Variants in ADGRB3 observed in about 807,000 individuals in gnomAD.
The protein encoded by ADGRB3 is brain-specific angiogenesis inhibitor 3.
ADGRB3 carries 37 observed loss-of-function variants against 193.4 expected under a neutral mutation model. The ratio of observed to expected loss-of-function variants is 0.19; its 90% confidence interval spans 0.15 to 0.25. ADGRB3 has a LOEUF of 0.25. ADGRB3 is among the 10% of genes least tolerant of loss of function. The pLI is 1.00. For missense variants in ADGRB3, 1,637 were observed against 1,852.9 expected, an observed-to-expected ratio of 0.88 and a Z score of 2.14; for synonymous variants, 690 against 644.2, an observed-to-expected ratio of 1.07 and a Z score of -1.08.
At chr6:68,904,988 G>A (rs1217436333) in intron 3 of ADGRB3, among the ~76,000 whole-genome samples, 1 of 152,072 alleles carries the variant, frequency 6.6e-6, no homozygotes, top group Non-Finnish European at 1.5e-5. Context: ...TGTTACTTGG[G>A]CATTGAATTT....
intron 12 of ADGRB3, among the ~76,000 whole-genome samples, chr6:69,015,111 C>T (rs1301560608): frequency 6.6e-6 from 1 of 151,990 alleles, no homozygotes; most frequent in Admixed American, 6.6e-5. Flanking sequence ...AGGACAGCCT[C>T]ATTCACTCAC....
At chr6:69,077,154 T>C (rs1245891411) in intron 17 of ADGRB3, among the ~76,000 whole-genome samples, 1 of 152,038 alleles carries the variant, frequency 6.6e-6, no homozygotes, top group African/African-American at 2.4e-5. Flanking sequence ...GTTGATAACA[T>C]GAGCTGGATA....
chr6:68,884,341 G>C (rs1307568374), intron 3 of ADGRB3, among the ~76,000 whole-genome samples: 4 of 152,124 alleles, frequency 2.6e-5, no homozygotes, highest in African/African-American at 7.2e-5. Flanking sequence ...CAAATAAATA[G>C]AAACTGTGAT....
chr6:69,101,291 G>A (rs568585302), intron 17 of ADGRB3, among the ~76,000 whole-genome samples: 406 of 152,118 alleles, frequency 2.7e-3, no homozygotes, highest in Non-Finnish European at 3.4e-3. Context: ...CTGGTCTTCC[G>A]AGCTCTATAA....
At chr6:69,375,008 G>A (rs1001196678) in intron 30 of ADGRB3, among the ~76,000 whole-genome samples, 7 of 152,048 alleles carry the variant, frequency 4.6e-5, no homozygotes. Flanking sequence ...ATAGGAAAAG[G>A]CATGTAGGTT....
At chr6:69,074,216 A>T (rs1486412385) in intron 16 of ADGRB3, among the ~76,000 whole-genome samples, 2 of 152,186 alleles carry the variant, frequency 1.3e-5, no homozygotes, top group East Asian at 3.9e-4. Context: ...AATAACTGGG[A>T]TGCTGCAATA....
chr6:68,906,226 A>G (rs575945323), intron 3 of ADGRB3, among the ~76,000 whole-genome samples: 13 of 151,968 alleles, frequency 8.6e-5, no homozygotes, highest in African/African-American at 3.1e-4. Flanking sequence ...ATTCTTCAGT[A>G]TATATGGTAT....
At chr6:68,919,151 T>C (rs1766958476) in intron 3 of ADGRB3, among the ~76,000 whole-genome samples, 2 of 152,180 alleles carry the variant, frequency 1.3e-5, no homozygotes, top group Admixed American at 1.3e-4. Flanking sequence ...AAAGTATATG[T>C]CTATTCTATA....
chr6:68,755,311 C>A (rs901331606), intron 3 of ADGRB3, among the ~76,000 whole-genome samples: 4 of 152,022 alleles, frequency 2.6e-5, no homozygotes, highest in Non-Finnish European at 2.9e-5. Flanking sequence ...GTGAAAGGAC[C>A]CCTGTCTCCA....
At chr6:69,127,718 T>A (rs1041999436) in intron 17 of ADGRB3, among the ~76,000 whole-genome samples, 2 of 152,204 alleles carry the variant, frequency 1.3e-5, no homozygotes, top group Non-Finnish European at 2.9e-5. Flanking sequence ...CAAAATATAC[T>A]AACCTCTTAT....
chr6:69,351,083 A>T (rs1270233501), intron 26 of ADGRB3, among the ~76,000 whole-genome samples: 1 of 141,810 alleles, frequency 7.1e-6, no homozygotes, highest in Non-Finnish European at 1.5e-5. Context: ...ATTCATCCAG[A>T]TTCCCTAGAT....
At chr6:69,256,689 C>A (rs1312623356) in intron 20 of ADGRB3, among the ~76,000 whole-genome samples, 1 of 152,166 alleles carries the variant, frequency 6.6e-6, no homozygotes, top group Non-Finnish European at 1.5e-5. Flanking sequence ...AATGAATACC[C>A]TTTATTTCCT....
chr6:68,879,953 C>T (rs1057483488), intron 3 of ADGRB3, among the ~76,000 whole-genome samples: 1 of 152,158 alleles, frequency 6.6e-6, no homozygotes, highest in Admixed American at 6.5e-5. Flanking sequence ...CACTTTAACC[C>T]AGACCAATTG....
At chr6:69,229,252 T>C (rs1398802091) in intron 17 of ADGRB3, among the ~76,000 whole-genome samples, 1 of 152,108 alleles carries the variant, frequency 6.6e-6, no homozygotes, top group Non-Finnish European at 1.5e-5. Context: ...AGACTAAAAA[T>C]CCTTCTATAT....
chr6:69,194,571 T>G (rs1475203199), intron 17 of ADGRB3, among the ~76,000 whole-genome samples: 1 of 152,152 alleles, frequency 6.6e-6, no homozygotes, highest in African/African-American at 2.4e-5. Context: ...GTGAGATGTA[T>G]TGGCTTTTAG....
At chr6:68,962,908 G>A (rs908726364) in intron 8 of ADGRB3, among the ~76,000 whole-genome samples, 2 of 152,150 alleles carry the variant, frequency 1.3e-5, no homozygotes, top group South Asian at 4.1e-4. Context: ...TATAGCCTCT[G>A]TGAGCAACAC....
intron 3 of ADGRB3, among the ~76,000 whole-genome samples, chr6:68,707,176 C>T (rs1765339687): frequency 6.6e-6 from 1 of 150,554 alleles, no homozygotes; most frequent in Admixed American, 6.6e-5. Flanking sequence ...ATATCAGTGA[C>T]AAAACAGATT....
At chr6:69,054,751 C>T (rs1190001450) in intron 15 of ADGRB3, among the ~76,000 whole-genome samples, 1 of 152,088 alleles carries the variant, frequency 6.6e-6, no homozygotes, top group African/African-American at 2.4e-5. Flanking sequence ...TTCTACATAT[C>T]TTAGCAACCT....
chr6:69,273,067 A>G (rs992443338), intron 20 of ADGRB3, among the ~76,000 whole-genome samples: 11 of 152,028 alleles, frequency 7.2e-5, no homozygotes, highest in African/African-American at 2.7e-4. Context: ...TGCCCGGCTA[A>G]TTTTTGTAAT....
Sources: allele counts gnomAD v4.1 joint callset (sites outside exome capture counted in the v4.1 genomes callset), GRCh38; gene constraint gnomAD v4.1.1; transcripts MANE v1.5; gene names NCBI Gene and HGNC (gene_info 2026-07-23, HGNC 2026-07-21).